The following GRM7 variants were observed in gnomAD, a reference collection of about 807,000 sequenced individuals.
The protein encoded by GRM7 is metabotropic glutamate receptor 7.
Under a neutral mutation model 84.5 loss-of-function variants are expected in GRM7, and 35 were observed. That is an observed-to-expected ratio of 0.41 (90% CI 0.32 to 0.55). The LOEUF (loss-of-function observed/expected upper bound fraction) is 0.55. GRM7 is among the 20% of genes least tolerant of loss of function. The pLI is 0.19. For synonymous variants in GRM7, 487 were observed against 455.1 expected (o/e 1.07, Z -0.89); for missense variants, 1,003 against 1,194.6 (o/e 0.84, Z 2.36).
chr3:7,460,036 T>C (rs1698174883), intron 6 of GRM7, among the ~76,000 whole-genome samples: 1 of 143,542 alleles, frequency 7.0e-6, no homozygotes, highest in African/African-American at 2.6e-5. Flanking sequence ...ATTTGAATAT[T>C]CATATTCAAA....
At chr3:7,505,907 T>C (rs115535013) in intron 7 of GRM7, among the ~76,000 whole-genome samples, 1 of 152,214 alleles carries the variant, frequency 6.6e-6, no homozygotes, top group Admixed American at 6.5e-5. Context: ...CTTTGATCCA[T>C]ACTAATTTCC....
At chr3:7,538,399 A>G (rs1286405031) in intron 7 of GRM7, among the ~76,000 whole-genome samples, 1 of 152,190 alleles carries the variant, frequency 6.6e-6, no homozygotes, top group Non-Finnish European at 1.5e-5. Flanking sequence ...GGCATGAGCC[A>G]CAATGTTCGG....
chr3:7,147,783 C>T (rs186923657), intron 2 of GRM7, among the ~76,000 whole-genome samples: 148 of 152,260 alleles, frequency 9.7e-4, no homozygotes, highest in African/African-American at 3.4e-3. Flanking sequence ...TTCTTATTCT[C>T]TTCCTTCTGA....
At chr3:6,889,532 A>G (rs896859408) in intron 1 of GRM7, among the ~76,000 whole-genome samples, 7 of 152,208 alleles carry the variant, frequency 4.6e-5, no homozygotes, top group Admixed American at 1.3e-4. Flanking sequence ...GCTGGATTAC[A>G]TTTATTGATT....
intron 4 of GRM7, among the ~76,000 whole-genome samples, chr3:7,311,893 C>T (rs931746483): frequency 1.3e-5 from 2 of 152,148 alleles, no homozygotes; most frequent in Admixed American, 6.5e-5. Flanking sequence ...CTGCACCCGG[C>T]CTCAACACAT....
rs1405055581 is a variant in GRM7 at position 7,578,961 on chromosome 3, G to A, written c.2055G>A (p.Glu685=). ...TKTNRIYRIF[E]QGKKSVTAPR... is the part of the protein sequence containing the mutation. ...CAAATCGGATTTATCGCATATTTGA[G>A]CAGGGCAAGAAATCAGTAACAGCTC... The change falls in exon 8 of 10, where the codon GAG becomes GAA. Residue 685 remains glutamate, a synonymous_variant. Transcript: ENST00000357716. 6.2e-7 allele frequency: 1 copy of A among 1,614,002 alleles called. No individual in the cohort carries two copies. The highest frequency in any genetic ancestry group is 1.3e-5 in the African/African-American group (1 of 74,894).
At chr3:6,886,632 A>C (rs1695706537) in intron 1 of GRM7, among the ~76,000 whole-genome samples, 1 of 152,068 alleles carries the variant, frequency 6.6e-6, no homozygotes, top group Admixed American at 6.6e-5. Context: ...TCTGTAAAAA[A>C]ATACTAATGA....
At chr3:7,017,943 C>T (rs780769558) in intron 1 of GRM7, among the ~76,000 whole-genome samples, 3 of 152,148 alleles carry the variant, frequency 2.0e-5, no homozygotes, top group Non-Finnish European at 2.9e-5. Flanking sequence ...TAGTTCCAAG[C>T]ACCTAATTAC....
intron 7 of GRM7, among the ~76,000 whole-genome samples, chr3:7,568,879 C>G (rs538370278): frequency 6.6e-6 from 1 of 152,118 alleles, no homozygotes; most frequent in Non-Finnish European, 1.5e-5. Context: ...AGCGCCCCCC[C>G]TCCATGGGCT....
chr3:7,108,263 G>A (rs1176691071), intron 1 of GRM7, among the ~76,000 whole-genome samples: 1 of 152,084 alleles, frequency 6.6e-6, no homozygotes, highest in Non-Finnish European at 1.5e-5. Context: ...AACTGTGTTA[G>A]GTTCTGTCTG....
At chr3:7,004,619 C>T (rs867672285) in intron 1 of GRM7, among the ~76,000 whole-genome samples, 2 of 152,052 alleles carry the variant, frequency 1.3e-5, no homozygotes, top group Admixed American at 6.6e-5. Context: ...TTCACTCATA[C>T]GAGTAGGTAA....
chr3:6,887,853 T>C (rs1173861304), intron 1 of GRM7, among the ~76,000 whole-genome samples: 2 of 152,350 alleles, frequency 1.3e-5, no homozygotes, highest in East Asian at 3.9e-4. Flanking sequence ...GCCAACAATG[T>C]AAAAGCATTC....
intron 1 of GRM7, among the ~76,000 whole-genome samples, chr3:7,115,590 A>G (rs1450494386): frequency 1.3e-5 from 2 of 152,130 alleles, no homozygotes; most frequent in Admixed American, 1.3e-4. Flanking sequence ...TTCTAAATCA[A>G]GGGAAGGGCT....
At chr3:7,150,255 T>A (rs1305094711) in intron 2 of GRM7, among the ~76,000 whole-genome samples, 1 of 152,134 alleles carries the variant, frequency 6.6e-6, no homozygotes, top group South Asian at 2.1e-4. Context: ...TTTAAAATGC[T>A]TTAGCTTCAA....
chr3:7,439,131 A>G (rs1048312898), intron 5 of GRM7, among the ~76,000 whole-genome samples: 2 of 152,166 alleles, frequency 1.3e-5, no homozygotes, highest in Non-Finnish European at 2.9e-5. Flanking sequence ...ATAAGGAGGG[A>G]CGTGAACACT....
chr3:7,384,695 G>A (rs548168854), intron 4 of GRM7, among the ~76,000 whole-genome samples: 10 of 152,210 alleles, frequency 6.6e-5, no homozygotes, highest in Non-Finnish European at 1.5e-4. Context: ...ATCAAGACAC[G>A]TTTCAGTTGT....
chr3:7,733,896 C>A (rs1398590845), intron 9 of GRM7, among the ~76,000 whole-genome samples: 2 of 152,176 alleles, frequency 1.3e-5, no homozygotes, highest in African/African-American at 4.8e-5. Context: ...CAAATCAATG[C>A]CCCTTCCACT....
intron 4 of GRM7, among the ~76,000 whole-genome samples, chr3:7,337,515 C>G (rs1264312838): frequency 6.6e-6 from 1 of 152,054 alleles, no homozygotes; most frequent in East Asian, 1.9e-4. Context: ...AACTACGCAT[C>G]CAACAAAGGA....
intron 1 of GRM7, among the ~76,000 whole-genome samples, chr3:6,963,399 A>T (rs551668243): frequency 6.6e-6 from 1 of 152,314 alleles, no homozygotes; most frequent in African/African-American, 2.4e-5. Context: ...ATGCACAAAG[A>T]TGTATAGATT....
Sources: gnomAD v4.1 joint callset for allele counts (sites outside exome capture counted in the v4.1 genomes callset) on GRCh38, gnomAD v4.1.1 for gene constraint, MANE v1.5 for transcripts, NCBI Gene and HGNC (gene_info 2026-07-23, HGNC 2026-07-21) for gene names.